Variants in AGFG1 observed in about 807,000 individuals in gnomAD.
The protein encoded by AGFG1 is ArfGAP with FG repeats 1, also known as arf-GAP domain and FG repeat-containing protein 1.
Under a neutral mutation model 60.6 loss-of-function variants are expected in AGFG1, and 10 were observed. The ratio of observed to expected loss-of-function variants is 0.16; its 90% CI spans 0.10 to 0.28. AGFG1 has a LOEUF of 0.28. Ranked by LOEUF, AGFG1 falls within the 10% of genes least tolerant of loss-of-function variation. The probability of loss-of-function intolerance (pLI) is 1.00; values close to 1 mark genes in which losing one functional copy is unlikely to be tolerated. For synonymous variants in AGFG1, 247 were observed against 242.9 expected (o/e 1.02, Z -0.16); for missense variants, 537 against 676.5 (o/e 0.79, Z 2.29).
chr2:227,548,498 G>A (rs1469979415), intron 10 of AGFG1, among the ~76,000 whole-genome samples: 1 of 152,156 alleles, frequency 6.6e-6, no homozygotes, highest in Non-Finnish European at 1.5e-5. Context: ...AGTGCGTTTT[G>A]TGAAACATGT....
intron 2 of AGFG1, among the ~76,000 whole-genome samples, chr2:227,506,558 TAAAA>T (rs5839223): frequency 3.8e-5 from 4 of 106,306 alleles, no homozygotes; most frequent in Admixed American, 1.1e-4. Flanking sequence ...TGATGTTCCT[TAAAA>T]AAAAAAAAAA....
At position 227,554,518 on chromosome 2, in the gene AGFG1, A is replaced by G; in HGVS notation, c.*23A>G. The G allele has an allele frequency of 6.3e-7, 1 of 1,598,856 alleles. No individual in the cohort carries two copies. Among genetic ancestry groups the G allele is most frequent in the Non-Finnish European group, 8.6e-7 (1 of 1,168,664 alleles). On this transcript the variant is annotated 3_prime_UTR_variant, in exon 13 of 13. Transcript: ENST00000310078. ...TAGCCTTATATAGACAATTTACTGG[A>G]ACGAACTTTTATGTGGTCACATTAC...
intron 10 of AGFG1, among the ~76,000 whole-genome samples, chr2:227,541,243 G>T (rs1692484002): frequency 6.6e-6 from 1 of 152,086 alleles, no homozygotes; most frequent in African/African-American, 2.4e-5. Flanking sequence ...CATTGCTTTT[G>T]GTGTTTTAGT....
chr2:227,534,999 G>A lies in AGFG1; in HGVS notation c.1179G>A (p.Ala393=), dbSNP rs373217967. The change falls in exon 8 of 13, where the codon GCG becomes GCA. Residue 393 remains alanine, a synonymous_variant. Transcript: ENST00000310078. The stretch of plus-strand genomic sequence containing the variant: ...GTTCTGCAGCCACCTCCAGTAATGC[G>A]TATACTTCCACAAGTAATGCTAGCA... ...VFSSAATSSN[A]YTSTSNASSN... 4.1e-4 allele frequency: 663 copies of A among 1,612,882 alleles called. 1 individual carries two copies. The highest frequency in any genetic ancestry group is 5.0e-4 in the Non-Finnish European group (584 of 1,179,472).
intron 10 of AGFG1, among the ~76,000 whole-genome samples, chr2:227,545,977 G>C (rs1048902050): frequency 6.6e-6 from 1 of 152,240 alleles, no homozygotes; most frequent in Non-Finnish European, 1.5e-5. Context: ...GCCATTCTCA[G>C]ATCTCAGACT....
chr2:227,519,311 G>GT (rs1691756092), intron 2 of AGFG1, among the ~76,000 whole-genome samples: 1 of 152,076 alleles, frequency 6.6e-6, no homozygotes, highest in Middle Eastern at 3.2e-3. Context: ...TACTTTTTAA[G>GT]TTTTTTTGAA....
intron 2 of AGFG1, among the ~76,000 whole-genome samples, chr2:227,493,240 T>C (rs1690870589): frequency 6.6e-6 from 1 of 152,298 alleles, no homozygotes; most frequent in African/African-American, 2.4e-5. Flanking sequence ...ATTATAGACA[T>C]AGTGCTGTAT....
intron 6 of AGFG1, chr2:227,532,184 AG>A: frequency 6.5e-7 from 1 of 1,549,008 alleles, no homozygotes; most frequent in Non-Finnish European, 8.7e-7. Flanking sequence ...AATTTACTTC[AG>A]CTTTTCCTCT....
At chr2:227,532,265 T>C in intron 6 of AGFG1, 2 of 1,329,444 alleles carry the variant, frequency 1.5e-6, no homozygotes, top group African/African-American at 1.5e-5. Context: ...TTTGCTATAC[T>C]TCAAGGGTTT....
At chr2:227,474,074 T>TG (rs947819344) in intron 1 of AGFG1, among the ~76,000 whole-genome samples, 33 of 152,188 alleles carry the variant, frequency 2.2e-4, no homozygotes, top group African/African-American at 8.0e-4. Context: ...TCTGAGAAGT[T>TG]GCCAGTTAAT....
Position 227,472,409 on chromosome 2 carries a change from T to G in AGFG1, c.-13T>G, listed in dbSNP as rs1221881143. On this transcript the variant is annotated 5_prime_UTR_variant, in exon 1 of 13. Coordinates refer to ENST00000310078, the MANE Select transcript of AGFG1 (RefSeq NM_004504.5). ...TCCCGGCCCTGCCGGCCTCCTCCCT[T>G]GGCGCCGCGGCCATGGCGGCCAGCG... 6 of 1,457,234 alleles carry G rather than the reference T, an allele frequency of 4.1e-6. No homozygotes were observed. Among genetic ancestry groups the G allele is most frequent in the African/African-American group, 3.0e-5 (2 of 67,552 alleles). 90.3% of individuals were successfully genotyped at this position (1,457,234 alleles called of 1,614,324 possible).
chr2:227,553,281 C>T (rs973992805), intron 11 of AGFG1, among the ~76,000 whole-genome samples: 2 of 152,004 alleles, frequency 1.3e-5, no homozygotes, highest in African/African-American at 4.8e-5. Flanking sequence ...GTGGATCAGT[C>T]GAGTCCAGGA....
rs1446147535 is a variant in AGFG1, at chr2:227,497,742, T to G, written c.261+6102T>G. On this transcript the variant is annotated intron_variant, in intron 2 of 12. Coordinates refer to ENST00000310078, the MANE Select transcript of AGFG1 (RefSeq NM_004504.5). ...GAGTTTCTTTCTTGTTTTGTTTTTTTTTTTTTTTTTTTTTTTTTTGGGGAC... is the reference window on the plus strand; with the variant it reads ...GAGTTTCTTTCTTGTTTTGTTTTTTGTTTTTTTTTTTTTTTTTTTGGGGAC... Among the ~76,000 whole-genome samples, 48 of 120,068 alleles carry G rather than the reference T, an allele frequency of 4.0e-4. 3 individuals carry two copies. Among genetic ancestry groups the G allele is most frequent in the Non-Finnish European group, 7.0e-4 (41 of 58,478 alleles). The allele number at this position is 120,068 out of a possible 152,430, so 78.8% of individuals were successfully genotyped here. A position where few individuals can be genotyped will look rare whatever the true frequency, so the allele number is the denominator to read the frequency against.
At chr2:227,489,409 A>T (rs1212131575) in intron 1 of AGFG1, among the ~76,000 whole-genome samples, 1 of 150,924 alleles carries the variant, frequency 6.6e-6, no homozygotes, top group East Asian at 2.0e-4. Flanking sequence ...TTTAGTAGAG[A>T]TGGGGTTTCA....
chr2:227,507,211 T>A (rs1187550331), intron 2 of AGFG1, among the ~76,000 whole-genome samples: 1 of 152,080 alleles, frequency 6.6e-6, no homozygotes, highest in Non-Finnish European at 1.5e-5. Flanking sequence ...CAGTTTGCTG[T>A]TTTTTTACTC....
intron 6 of AGFG1, among the ~76,000 whole-genome samples, chr2:227,531,681 C>T (rs1252064439): frequency 6.6e-6 from 1 of 151,816 alleles, no homozygotes; most frequent in Non-Finnish European, 1.5e-5. Flanking sequence ...TATCCTCCTG[C>T]CTTGACCTCC....
At chr2:227,507,963 A>G (rs561586404) in intron 2 of AGFG1, among the ~76,000 whole-genome samples, 3 of 150,984 alleles carry the variant, frequency 2.0e-5, no homozygotes, top group East Asian at 1.9e-4. Flanking sequence ...AACTTCTGCA[A>G]ATCTTGTTTT....
At chr2:227,495,628 A>G (rs1178992773) in intron 2 of AGFG1, among the ~76,000 whole-genome samples, 1 of 152,038 alleles carries the variant, frequency 6.6e-6, no homozygotes, top group African/African-American at 2.4e-5. Context: ...TTTTCTAGTT[A>G]AAGGAAGTTG....
At chr2:227,522,987 TGATA>T (rs976911892) in intron 3 of AGFG1, among the ~76,000 whole-genome samples, 3 of 152,206 alleles carry the variant, frequency 2.0e-5, no homozygotes, top group African/African-American at 7.2e-5. Context: ...TTTTTTTCCT[TGATA>T]GATGTTGGGT....
Sources: gnomAD v4.1 joint callset for allele counts (sites outside exome capture counted in the v4.1 genomes callset) on GRCh38, gnomAD v4.1.1 for gene constraint, MANE v1.5 for transcripts, NCBI Gene and HGNC (gene_info 2026-07-23, HGNC 2026-07-21) for gene names.